CTC1: variants seen among roughly 807,000 people sequenced by gnomAD.
CTC1 encodes the protein CST complex subunit CTC1.
In CTC1, 91 loss-of-function variants were observed where a neutral mutation model predicts 136.3. That is an observed-to-expected ratio of 0.67 (90% CI 0.56 to 0.79). CTC1 has a LOEUF of 0.79. Ranked by LOEUF, CTC1 falls within the 30% of genes least tolerant of loss-of-function variation. CTC1 has a pLI of 0.00. For synonymous variants in CTC1, 606 were observed against 613.8 expected, an observed-to-expected ratio of 0.99 and a Z score of 0.19; for missense variants, 1,432 against 1,498.1, an observed-to-expected ratio of 0.96 and a Z score of 0.73.
intron 5 of CTC1, 66 bp downstream of exon 5, chr17:8,237,309 A>G: frequency 1.3e-6 from 2 of 1,583,762 alleles, no homozygotes; most frequent in South Asian, 1.1e-5. Context: ...CTATGATGCT[A>G]TCTTTCCTAC....
rs565465611 is a variant in CTC1, at chr17:8,239,144, A to G, written c.198-515T>C. ...AAAATAAGGATGGGATCTGAGTCCA[A>G]TTCCGTGCTGAATAGTATCTTCAAC... On this transcript the variant is annotated intron_variant, in intron 2 of 22. Transcript: ENST00000651323. 5.9e-5 allele frequency among the ~76,000 whole-genome samples: 9 copies of G among 152,156 alleles called. No homozygotes were observed. In the East Asian group the frequency reaches 1.5e-3, roughly 26 times the overall value.
At position 8,225,884 on chromosome 17, in the gene CTC1, A is replaced by T. The variant is rs777042904; in HGVS notation, c.*2296T>A. The T allele has an allele frequency of 5.3e-5, 8 of 152,096 alleles. No individual in the cohort carries two copies. The highest frequency in any genetic ancestry group is 1.2e-4 in the Non-Finnish European group (8 of 68,000). The allele number at this position is 152,096 out of a possible 1,614,324, so 9.4% of individuals were successfully genotyped here. A position where few individuals can be genotyped will look rare whatever the true frequency, so the allele number is the denominator to read the frequency against. Reference sequence around the variant, plus strand: ...ACCCAAAGAACTATAATGAAGAGCCAAACAAAACAAAGTGGCTCAGGTTCT... The same window carrying T: ...ACCCAAAGAACTATAATGAAGAGCCTAACAAAACAAAGTGGCTCAGGTTCT... On this transcript the variant is annotated 3_prime_UTR_variant, in exon 23 of 23. Coordinates refer to ENST00000651323, the MANE Select transcript of CTC1 (RefSeq NM_025099.6).
rs1294061455 is a variant in CTC1 at position 8,231,990 on chromosome 17, C to A, written c.2298G>T (p.Leu766Phe). ...VPKPALSFYV[L>F]GSWLGGTQRK... ...TCTGGGTGCCCCCAAGCCAGCTCCC[C>A]AACACATAGAAACTGAGGGCGGGCT... Residue 766 changes from leucine (L) to phenylalanine (F), a missense_variant, in exon 13 of 23, where the codon TTG (leucine) becomes TTT (phenylalanine). By Grantham distance (22) the Leu-to-Phe change is conservative (BLOSUM62 0). Transcript: ENST00000651323. 2 of 1,606,874 alleles carry A rather than the reference C, an allele frequency of 1.2e-6. No homozygotes were observed. The highest frequency in any genetic ancestry group is 4.5e-5 in the East Asian group (2 of 44,868).
chr17:8,227,264 C>A lies in CTC1; in HGVS notation c.*916G>T. 1 of 151,060 alleles carries A rather than the reference C, an allele frequency of 6.6e-6. No homozygotes were observed. Among genetic ancestry groups the A allele is most frequent in the African/African-American group, 2.5e-5 (1 of 40,358 alleles). 9.4% of individuals were successfully genotyped at this position (151,060 alleles called of 1,614,324 possible). Reference sequence around the variant, plus strand: ...TCTTTCCACCTCTCCATCTATCAGTCCCCAGTAAAGAAATGCAGCAACACC... The same window carrying A: ...TCTTTCCACCTCTCCATCTATCAGTACCCAGTAAAGAAATGCAGCAACACC... On this transcript the variant is annotated 3_prime_UTR_variant, in exon 23 of 23. Transcript: ENST00000651323.
chr17:8,230,805 A>C (rs190323198), intron 15 of CTC1, 154 bp from the exon 16 acceptor site: 2 of 646,786 alleles, frequency 3.1e-6, no homozygotes, highest in Non-Finnish European at 5.5e-6. Flanking sequence ...CTGCACACTA[A>C]GAGTAACAGG....
chr17:8,230,424 G>T lies in CTC1; in HGVS notation c.2803C>A (p.Leu935Ile). The change falls in exon 17 of 23, where the codon CTT becomes ATT. Residue 935 changes from leucine (L) to isoleucine (I), a missense_variant. Physicochemically the swap from Leu to Ile is conservative, Grantham distance 5 (BLOSUM62 2). Transcript: ENST00000651323. ...GGGAATTCACATTCAGCAGTCTCAA[G>T]AGCGACTGTTAGCTTCACACACCTT... ...MRRCVKLTVA[L>I]ETAECEFPPH... is the part of the protein sequence containing the mutation. 6.2e-7 allele frequency: 1 copy of T among 1,614,138 alleles called. No homozygotes were observed. The highest frequency in any genetic ancestry group is 1.1e-5 in the South Asian group (1 of 91,086).
chr17:8,235,579 G>A (rs1987645819), intron 7 of CTC1, among the ~76,000 whole-genome samples: 1 of 152,160 alleles, frequency 6.6e-6, no homozygotes, highest in Admixed American at 6.5e-5. Flanking sequence ...CTGTGCTTCA[G>A]CTATCTCCTC....
In CTC1 at chr17:8,237,226, G is replaced by A. The variant is rs1327463843; in HGVS notation, c.792+149C>T. The A allele has an allele frequency of 2.5e-5, 20 of 807,276 alleles. 1 individual carries two copies. The highest frequency in any genetic ancestry group is 2.0e-4 in the Admixed American group (8 of 40,238). The allele number at this position is 807,276 out of a possible 1,614,324, so 50.0% of individuals were successfully genotyped here. On this transcript the variant is annotated intron_variant, in intron 5 of 22. Transcript: ENST00000651323. ...CTAACTCTATGCACAAACATTTCCC[G>A]GAATCTTCTCCCAACAGCGCTATTC...
chr17:8,228,336 G>A lies in CTC1; in HGVS notation c.3515-17C>T, dbSNP rs376402639. On this transcript the variant is annotated splice_polypyrimidine_tract_variant and intron_variant, in intron 22 of 22. Transcript: ENST00000651323. ...GAGGAGGTTCTGAGGTGGGAAGAGAGGAAAAACACACGTCTCAGGCATGTG... is the reference window on the plus strand; with the variant it reads ...GAGGAGGTTCTGAGGTGGGAAGAGAAGAAAAACACACGTCTCAGGCATGTG... The A allele has an allele frequency of 8.0e-5, 129 of 1,612,538 alleles. 2 individuals are homozygous for A. The highest frequency in any genetic ancestry group is 8.7e-5 in the Non-Finnish European group (102 of 1,178,942).
chr17:8,242,400 G>A (rs941974540), intron 2 of CTC1, among the ~76,000 whole-genome samples: 1 of 151,668 alleles, frequency 6.6e-6, no homozygotes, highest in African/African-American at 2.4e-5. Flanking sequence ...CCTCTAATAT[G>A]TTAATAAACC....
intron 1 of CTC1, among the ~76,000 whole-genome samples, chr17:8,245,466 G>A (rs1428931849): frequency 1.3e-5 from 2 of 151,914 alleles, no homozygotes; most frequent in African/African-American, 4.8e-5. Flanking sequence ...GCAAAGTTCC[G>A]ACTCTCACGC....
At chr17:8,244,856 G>A (rs916751438) in intron 1 of CTC1, among the ~76,000 whole-genome samples, 5 of 152,034 alleles carry the variant, frequency 3.3e-5, no homozygotes, top group Admixed American at 6.6e-5. Context: ...TAAGGAGCTC[G>A]AAAAGAGCTA....
chr17:8,239,722 C>T (rs1261818962), intron 2 of CTC1, among the ~76,000 whole-genome samples: 1 of 151,804 alleles, frequency 6.6e-6, no homozygotes, highest in Non-Finnish European at 1.5e-5. Context: ...GTGCCCGGCC[C>T]CATGATTTTT....
rs201280372 is a variant in CTC1, at chr17:8,248,024, G to C, written c.13C>G (p.Arg5Gly). 1.8e-5 allele frequency: 28 copies of C among 1,598,154 alleles called. No homozygotes were observed. In the Middle Eastern group the frequency reaches 5.0e-4, roughly 29 times the overall value. MAAGRAQVPSSEQAW... is the reference protein window; with the variant it reads MAAGGAQVPSSEQAW... ...CTCACGGAGGAAGGGACCTGGGCCC[G>C]GCCAGCCGCCATGATGCGCCGGAGC... The change falls in exon 1 of 23, where the codon CGG becomes GGG. Residue 5 changes from arginine to glycine, a missense_variant. Physicochemically the swap from Arg to Gly is moderately radical, Grantham distance 125 (BLOSUM62 -2). Coordinates refer to ENST00000651323, the MANE Select transcript of CTC1 (RefSeq NM_025099.6).
intron 7 of CTC1, 166 bp from the exon 8 acceptor site, chr17:8,235,451 G>A (rs1182281351): frequency 4.8e-6 from 3 of 619,106 alleles, no homozygotes; most frequent in Non-Finnish European, 8.5e-6. Context: ...TCCCGCTGCG[G>A]TCAGCCTTCA....
intron 17 of CTC1, 139 bp from the exon 18 acceptor site, chr17:8,230,107 G>C: frequency 3.0e-6 from 3 of 993,340 alleles, no homozygotes; most frequent in Non-Finnish European, 3.1e-6. Flanking sequence ...CCAAAGCTAG[G>C]GGAAGACTAG....
Position 8,248,046 on chromosome 17 carries a change from G to A in CTC1, c.-10C>T, listed in dbSNP as rs201782976. On this transcript the variant is annotated 5_prime_UTR_variant, in exon 1 of 23. Transcript: ENST00000651323. ...CCCGGCCAGCCGCCATGATGCGCCG[G>A]AGCTCCGCCCCCGGGAGGGGCAGGT... is the stretch of plus-strand genomic sequence containing the variant. 394 of 1,553,504 alleles carry A rather than the reference G, an allele frequency of 2.5e-4. No individual in the cohort carries two copies. The highest frequency in any genetic ancestry group is 3.3e-4 in the Non-Finnish European group (374 of 1,143,270).
At chr17:8,229,476 G>A (rs1235508792) in intron 18 of CTC1, 30 bp from the exon 19 acceptor site, 2 of 1,602,512 alleles carry the variant, frequency 1.2e-6, no homozygotes, top group Admixed American at 3.3e-5. Context: ...CAGAGACAGG[G>A]GTCAAGATAA....
Position 8,230,358 on chromosome 17 carries a change from G to C in CTC1, c.2869C>G (p.Pro957Ala). The C allele has an allele frequency of 6.2e-7, 1 of 1,614,162 alleles. No homozygotes were observed. The change falls in exon 17 of 23, where the codon CCC (proline) becomes GCC (alanine). Residue 957 changes from proline to alanine, a missense_variant. Physicochemically the swap from Pro to Ala is conservative, Grantham distance 27. Transcript: ENST00000651323. ...DVYIEDPHLP[P>A]SLGLLPGARV... ...GCTCCTGGAAGTAGTCCTAGTGAGG[G>C]AGGCAAGTGTGGGTCTTCTATATAT...
Sources: gnomAD v4.1 joint callset for allele counts (sites outside exome capture counted in the v4.1 genomes callset) on GRCh38, gnomAD v4.1.1 for gene constraint, MANE v1.5 for transcripts, NCBI Gene and HGNC (gene_info 2026-07-23, HGNC 2026-07-21) for gene names.